Variants in UVRAG observed in about 807,000 individuals in gnomAD.
UVRAG encodes UV radiation resistance-associated gene protein.
A neutral mutation model predicts 78.0 loss-of-function variants in UVRAG; 19 were observed. The observed-to-expected ratio is 0.24, with a 90% CI of 0.17 to 0.36. UVRAG has a LOEUF of 0.36. Ranked by LOEUF, UVRAG falls within the 10% of genes least tolerant of loss-of-function variation. UVRAG has a pLI of 1.00. For missense variants in UVRAG, 740 were observed against 853.8 expected, an observed-to-expected ratio of 0.87 and a Z score of 1.66; for synonymous variants, 323 against 324.6, an observed-to-expected ratio of 1.00 and a Z score of 0.05.
Position 75,815,382 on chromosome 11 carries a change from C to A in UVRAG, c.-26C>A, listed in dbSNP as rs921341740. ...GCGGATGCCGGAAGAGTGCCCGCCCCGCCGCTTGGCGGCCCCTGGATCGAG... is the reference window on the plus strand; with the variant it reads ...GCGGATGCCGGAAGAGTGCCCGCCCAGCCGCTTGGCGGCCCCTGGATCGAG... On this transcript the variant is annotated 5_prime_UTR_variant, in exon 1 of 15. Coordinates refer to ENST00000356136, the MANE Select transcript of UVRAG (RefSeq NM_003369.4). 47 of 1,191,722 alleles carry A rather than the reference C, an allele frequency of 3.9e-5. No individual in the cohort carries two copies. The highest frequency in any genetic ancestry group is 4.9e-5 in the Non-Finnish European group (46 of 946,296). 73.8% of individuals were successfully genotyped at this position (1,191,722 alleles called of 1,614,324 possible). A position where few individuals can be genotyped will look rare whatever the true frequency, so the allele number is the denominator to read the frequency against.
chr11:75,940,887 T>A (rs912049389), intron 6 of UVRAG, among the ~76,000 whole-genome samples: 3 of 152,168 alleles, frequency 2.0e-5, no homozygotes, highest in African/African-American at 7.2e-5. Flanking sequence ...TGCTAACTAC[T>A]ATATTTATAA....
chr11:75,846,610 T>C (rs535923474), intron 1 of UVRAG, among the ~76,000 whole-genome samples: 8 of 151,926 alleles, frequency 5.3e-5, no homozygotes, highest in African/African-American at 1.2e-4. Context: ...TTTTTTTGCA[T>C]GTGAATGTCC....
chr11:75,960,191 A>T (rs1011489199), intron 6 of UVRAG, among the ~76,000 whole-genome samples: 1 of 150,452 alleles, frequency 6.6e-6, no homozygotes, highest in Non-Finnish European at 1.5e-5. Flanking sequence ...GTTGCCACAA[A>T]CCTTCAATTT....
At chr11:75,905,127 A>G (rs1357357003) in intron 5 of UVRAG, among the ~76,000 whole-genome samples, 1 of 152,202 alleles carries the variant, frequency 6.6e-6, no homozygotes. Flanking sequence ...AGCTAAGTAG[A>G]ACATCATTAA....
chr11:75,976,488 G>C (rs535158353), intron 7 of UVRAG, among the ~76,000 whole-genome samples: 3 of 152,084 alleles, frequency 2.0e-5, no homozygotes, highest in Admixed American at 6.5e-5. Context: ...CTGTGAATCT[G>C]TCTGGTCCTG....
At chr11:76,129,562 C>T (rs1952475953) in intron 14 of UVRAG, among the ~76,000 whole-genome samples, 1 of 152,226 alleles carries the variant, frequency 6.6e-6, no homozygotes, top group Non-Finnish European at 1.5e-5. Context: ...TCTTCCATCC[C>T]AGTCACGATA....
intron 7 of UVRAG, among the ~76,000 whole-genome samples, chr11:75,973,407 T>A (rs1949165140): frequency 6.6e-6 from 1 of 152,240 alleles, no homozygotes; most frequent in Non-Finnish European, 1.5e-5. Context: ...GTTGCCATGT[T>A]GTGTAATTAT....
chr11:76,022,628 C>T (rs1475981007), intron 12 of UVRAG, among the ~76,000 whole-genome samples: 1 of 152,160 alleles, frequency 6.6e-6, no homozygotes, highest in African/African-American at 2.4e-5. Context: ...CATGGACTGT[C>T]TTTCCCATCT....
chr11:75,976,877 G>T (rs536188111), intron 7 of UVRAG, among the ~76,000 whole-genome samples: 2 of 152,010 alleles, frequency 1.3e-5, no homozygotes, highest in East Asian at 3.9e-4. Flanking sequence ...CTTCAGTTCT[G>T]CTCTCATCTT....
intron 1 of UVRAG, among the ~76,000 whole-genome samples, chr11:75,837,251 CGGGAGTCAGA>C (rs575685278): frequency 1.4e-3 from 212 of 146,962 alleles, no homozygotes; most frequent in African/African-American, 4.7e-3. Context: ...CGTGTGACCT[CGGGAGTCAGA>C]GCTTGCAGTG....
At chr11:75,855,043 A>C (rs894772006) in intron 2 of UVRAG, among the ~76,000 whole-genome samples, 1 of 152,206 alleles carries the variant, frequency 6.6e-6, no homozygotes, top group Non-Finnish European at 1.5e-5. Flanking sequence ...AAATGATAGC[A>C]ATTATTATTA....
intron 12 of UVRAG, among the ~76,000 whole-genome samples, chr11:76,065,318 A>T (rs1406184050): frequency 6.6e-6 from 1 of 152,204 alleles, no homozygotes; most frequent in South Asian, 2.1e-4. Flanking sequence ...TTCCTTCTTA[A>T]TCTTCCTCTC....
At chr11:75,927,781 G>A (rs1399599209) in intron 6 of UVRAG, among the ~76,000 whole-genome samples, 9 of 152,204 alleles carry the variant, frequency 5.9e-5, no homozygotes. Flanking sequence ...AGTTTGGTTT[G>A]TTACAAGAAT....
rs201479748 is a variant in UVRAG at position 75,888,843 on chromosome 11, C to T, written c.447C>T (p.Asn149=). ...KYLGQQIHAR[N]QNEIIFGLND... ...TCCTCTCTTAGATTCATGCCCGAAA[C>T]CAAAATGAAATAATTTTTGGGCTGA... Residue 149 remains asparagine, a synonymous_variant, in exon 5 of 15, where the codon AAC becomes AAT. Coordinates refer to ENST00000356136, the MANE Select transcript of UVRAG (RefSeq NM_003369.4). 1 of 1,613,350 alleles carries T rather than the reference C, an allele frequency of 6.2e-7. No homozygotes were observed. Among genetic ancestry groups the T allele is most frequent in the Admixed American group, 1.7e-5 (1 of 59,914 alleles).
intron 8 of UVRAG, among the ~76,000 whole-genome samples, chr11:75,984,131 T>C (rs1461669030): frequency 6.6e-6 from 1 of 152,176 alleles, no homozygotes; most frequent in Admixed American, 6.6e-5. Flanking sequence ...ACTATGAATT[T>C]TGAATTTTGA....
At chr11:76,011,139 A>G (rs1950043189) in intron 11 of UVRAG, among the ~76,000 whole-genome samples, 1 of 152,198 alleles carries the variant, frequency 6.6e-6, no homozygotes, top group African/African-American at 2.4e-5. Flanking sequence ...ACAATGCCCA[A>G]CAAGCTGAAT....
chr11:75,936,015 G>C (rs1424523927), intron 6 of UVRAG, among the ~76,000 whole-genome samples: 1 of 152,112 alleles, frequency 6.6e-6, no homozygotes, highest in Admixed American at 6.6e-5. Context: ...TAAGATTTTT[G>C]AAGAGTTTTA....
chr11:75,897,838 A>G (rs1020036950), intron 5 of UVRAG, among the ~76,000 whole-genome samples: 5 of 135,728 alleles, frequency 3.7e-5, no homozygotes, highest in African/African-American at 5.7e-5. Flanking sequence ...ATTTATCTCT[A>G]TATATCTATA....
chr11:76,100,470 A>G (rs1951859901), intron 13 of UVRAG, among the ~76,000 whole-genome samples: 1 of 152,160 alleles, frequency 6.6e-6, no homozygotes. Flanking sequence ...CCTGTCCATC[A>G]GTGAACTGCT....
Sources: allele counts gnomAD v4.1 joint callset (sites outside exome capture counted in the v4.1 genomes callset), GRCh38; gene constraint gnomAD v4.1.1; transcripts MANE v1.5; gene names NCBI Gene and HGNC (gene_info 2026-07-23, HGNC 2026-07-21).